The following SPPL2B variants were observed in gnomAD, a reference collection of about 807,000 sequenced individuals.
The protein encoded by SPPL2B is signal peptide peptidase like 2B, also known as signal peptide peptidase-like 2B.
In SPPL2B, 39 loss-of-function variants were observed where a neutral mutation model predicts 59.7. That is an observed-to-expected ratio of 0.65 (90% CI 0.51 to 0.85). The LOEUF (loss-of-function observed/expected upper bound fraction) is 0.85. SPPL2B is among the 40% of genes least tolerant of loss of function. The pLI is 0.00. For missense variants in SPPL2B, 865 were observed against 849.0 expected (o/e 1.02, Z -0.23); for synonymous variants, 419 against 370.8 (o/e 1.13, Z -1.49).
chr19:2,348,565 TTCTC>T (rs1182931218), intron 13 of SPPL2B, among the ~76,000 whole-genome samples: 2 of 144,230 alleles, frequency 1.4e-5, no homozygotes, highest in South Asian at 2.3e-4. Context: ...CGTGATTCCG[TTCTC>T]TCTCCACACA....
chr19:2,335,148 C>T (rs1968490737), intron 2 of SPPL2B, among the ~76,000 whole-genome samples: 1 of 152,106 alleles, frequency 6.6e-6, no homozygotes, highest in Non-Finnish European at 1.5e-5. Flanking sequence ...GAGGCCCCAC[C>T]TCCTTTCCCA....
chr19:2,345,888 TCTC>T (rs1969341758), intron 13 of SPPL2B, among the ~76,000 whole-genome samples: 2 of 151,500 alleles, frequency 1.3e-5, no homozygotes, highest in African/African-American at 4.9e-5. Context: ...TCTTTCTCAT[TCTC>T]CTTTGGCCTG....
In SPPL2B at chr19:2,344,586, T is replaced by A. The variant is rs538604779; in HGVS notation, c.1210T>A (p.Ser404Thr). ...GGTCCTGAAGGTGCCCAGGCTGAAC[T>A]CCTCACCTCTGGCCCTGTGTGACCG... ...PMVLKVPRLN[S>T]SPLALCDRPF... is the part of the protein sequence containing the mutation. Residue 404 changes from serine (S) to threonine (T), a missense_variant, in exon 12 of 15, where the codon TCC becomes ACC. Ser to Thr is a moderately conservative substitution (Grantham distance 58, BLOSUM62 1). Transcript: ENST00000613503. 104 of 1,613,196 alleles carry A rather than the reference T, an allele frequency of 6.4e-5. 1 individual carries two copies. In the South Asian group the frequency reaches 9.7e-4, roughly 15 times the overall value.
rs545951640 is a variant in SPPL2B, at chr19:2,353,112, C to G, written c.1682C>G (p.Ala561Gly). 1 of 1,610,680 alleles carries G rather than the reference C, an allele frequency of 6.2e-7. No individual in the cohort carries two copies. The highest frequency in any genetic ancestry group is 2.2e-5 in the East Asian group (1 of 44,832). Residue 561 changes from alanine (A) to glycine (G), a missense_variant, in exon 15 of 15, where the codon GCT (alanine) becomes GGT (glycine). Physicochemically the swap from Ala to Gly is moderately conservative, Grantham distance 60 (BLOSUM62 0). Transcript: ENST00000613503. Reference sequence around the variant, plus strand: ...TCACGCACGTCCGAGGAGATGGGGGCTGGAGCCCCCATGCGGGAGCCTGGG... The same window carrying G: ...TCACGCACGTCCGAGGAGATGGGGGGTGGAGCCCCCATGCGGGAGCCTGGG... ...PKSRTSEEMG[A>G]GAPMREPGSP... is the part of the protein sequence containing the mutation.
Position 2,340,373 on chromosome 19 carries a change from C to T in SPPL2B, c.839+201C>T, listed in dbSNP as rs185120351. ...TCAATGGAGCCCACCAGCAGCCAGG[C>T]GCCAGGGGTGGCGGGGGGAGGGTGC... On this transcript the variant is annotated intron_variant, in intron 7 of 14. Coordinates refer to ENST00000613503, the MANE Select transcript of SPPL2B (RefSeq NM_152988.3). The T allele has an allele frequency of 2.2e-3, 1,323 of 606,936 alleles. 16 individuals carry two copies. The African/African-American group carries it at 0.022, about 10-fold the overall frequency. 37.6% of individuals were successfully genotyped at this position (606,936 alleles called of 1,614,324 possible).
intron 7 of SPPL2B, among the ~76,000 whole-genome samples, 172 bp downstream of exon 7, chr19:2,340,344 G>A (rs1405711177): frequency 6.6e-6 from 1 of 152,142 alleles, no homozygotes; most frequent in Non-Finnish European, 1.5e-5. Flanking sequence ...GTCTGGGCGA[G>A]CTATCAATGG....
chr19:2,354,115 C>T lies in SPPL2B; in HGVS notation c.*906C>T, dbSNP rs1452570147. 3 of 152,290 alleles carry T rather than the reference C, an allele frequency of 2.0e-5. No individual in the cohort carries two copies. Among genetic ancestry groups the T allele is most frequent in the Non-Finnish European group, 4.4e-5 (3 of 68,114 alleles). 9.4% of individuals were successfully genotyped at this position (152,290 alleles called of 1,614,324 possible). On this transcript the variant is annotated 3_prime_UTR_variant, in exon 15 of 15. Coordinates refer to ENST00000613503, the MANE Select transcript of SPPL2B (RefSeq NM_152988.3). Reference sequence around the variant, plus strand: ...CCAACCTCGCTTCCCGTGTGGGCCCCGTGTTGCTTTTCTGCTGAGAGGGGC... The same window carrying T: ...CCAACCTCGCTTCCCGTGTGGGCCCTGTGTTGCTTTTCTGCTGAGAGGGGC...
At chr19:2,349,121 C>T (rs1272141624) in intron 13 of SPPL2B, among the ~76,000 whole-genome samples, 1 of 84,636 alleles carries the variant, frequency 1.2e-5, no homozygotes, top group Non-Finnish European at 2.3e-5. Context: ...CATTCTCTCC[C>T]TCCACACACA....
At chr19:2,344,476 C>G in intron 11 of SPPL2B, 52 bp downstream of exon 11, 3 of 1,565,838 alleles carry the variant, frequency 1.9e-6, no homozygotes, top group South Asian at 2.3e-5. Context: ...AGGTGTTGCG[C>G]GGAGCGGATA....
intron 13 of SPPL2B, among the ~76,000 whole-genome samples, chr19:2,350,988 A>C (rs1033463096): frequency 6.6e-6 from 1 of 152,258 alleles, no homozygotes; most frequent in Non-Finnish European, 1.5e-5. Flanking sequence ...GTGTCTCCTG[A>C]GAACATAGTT....
intron 8 of SPPL2B, 55 bp from the exon 9 acceptor site, chr19:2,343,156 G>T: frequency 6.9e-7 from 1 of 1,441,366 alleles, no homozygotes; most frequent in Non-Finnish European, 9.5e-7. Context: ...GGGAGGCGGC[G>T]TCCTGGGTGG....
chr19:2,343,859 G>C (rs368070574), intron 9 of SPPL2B, 106 bp from the exon 10 acceptor site: 2 of 831,750 alleles, frequency 2.4e-6, no homozygotes, highest in Non-Finnish European at 3.9e-6. Flanking sequence ...CTCTGCTCAG[G>C]TTCCTTTAAA....
In SPPL2B at chr19:2,335,587, C is replaced by T. The variant is rs551550626; in HGVS notation, c.186+866C>T. Among the ~76,000 whole-genome samples the T allele has an allele frequency of 6.0e-5, 9 of 150,686 alleles. No homozygotes were observed. The East Asian group carries it at 1.8e-3, about 30-fold the overall frequency. On this transcript the variant is annotated intron_variant, in intron 2 of 14. Coordinates refer to ENST00000613503, the MANE Select transcript of SPPL2B (RefSeq NM_152988.3). ...GCATCCCTCTGGCCCCGCCTCCTTT[C>T]CCACCACACCCCTCTGTCCCTGCCT...
At position 2,329,585 on chromosome 19, in the gene SPPL2B, C is replaced by G. The variant is rs1031234964; in HGVS notation, c.66+810C>G. 2.6e-5 allele frequency among the ~76,000 whole-genome samples: 4 copies of G among 152,288 alleles called. No individual in the cohort carries two copies. The East Asian group carries it at 5.8e-4, about 22-fold the overall frequency. ...TCAGGCAATGGAACCTGGAGCAGCC[C>G]CACAAATGCAGCCCTTAACCTTCAC... On this transcript the variant is annotated intron_variant, in intron 1 of 14. Transcript: ENST00000613503.
In SPPL2B at chr19:2,337,467, A is replaced by C; in HGVS notation, c.211A>C (p.Thr71Pro). ...KASFLQLRNW[T>P]ASLLCSAADL... is the part of the protein sequence containing the mutation. ...GTCTTTCCTGCAGCTGCGCAACTGG[A>C]CGGCCTCCCTGCTCTGCTCCGCAGC... The change falls in exon 3 of 15, where the codon ACG becomes CCG. Residue 71 changes from threonine to proline, a missense_variant. Physicochemically the swap from Thr to Pro is conservative, Grantham distance 38. Coordinates refer to ENST00000613503, the MANE Select transcript of SPPL2B (RefSeq NM_152988.3). The C allele has an allele frequency of 6.2e-7, 1 of 1,608,650 alleles. No individual in the cohort carries two copies. Among genetic ancestry groups the C allele is most frequent in the Non-Finnish European group, 8.5e-7 (1 of 1,176,916 alleles).
At chr19:2,351,668 A>G in intron 14 of SPPL2B, 74 bp downstream of exon 14, 1 of 1,529,608 alleles carries the variant, frequency 6.5e-7, no homozygotes, top group Non-Finnish European at 8.8e-7. Context: ...GTTGAGTGAG[A>G]CCTCCAGCCA....
chr19:2,329,629 A>G (rs371823811), intron 1 of SPPL2B, among the ~76,000 whole-genome samples: 4 of 151,910 alleles, frequency 2.6e-5, no homozygotes, highest in African/African-American at 9.7e-5. Context: ...CAGAGTTCTC[A>G]CTCTTAAGGC....
chr19:2,344,260 G>A, intron 10 of SPPL2B, 102 bp from the exon 11 acceptor site: 1 of 430,024 alleles, frequency 2.3e-6, no homozygotes, highest in Non-Finnish European at 3.8e-6. Flanking sequence ...CCTGCCCCTT[G>A]CACCCCCCCA....
At position 2,328,701 on chromosome 19, in the gene SPPL2B, C is replaced by T. The variant is rs1353895523; in HGVS notation, c.-9C>T. 16 of 1,434,560 alleles carry T rather than the reference C, an allele frequency of 1.1e-5. No homozygotes were observed. Among genetic ancestry groups the T allele is most frequent in the African/African-American group, 6.0e-5 (4 of 66,516 alleles). 88.9% of individuals were successfully genotyped at this position (1,434,560 alleles called of 1,614,324 possible). A position where few individuals can be genotyped will look rare whatever the true frequency, so the allele number is the denominator to read the frequency against. On this transcript the variant is annotated 5_prime_UTR_variant, in exon 1 of 15. Coordinates refer to ENST00000613503, the MANE Select transcript of SPPL2B (RefSeq NM_152988.3). ...CATCTGCCGTTGGTTGCGGCGGGCA[C>T]CGGCCGACATGGCGGCAGCGGTGGC...
Sources: allele counts gnomAD v4.1 joint callset (sites outside exome capture counted in the v4.1 genomes callset), GRCh38; gene constraint gnomAD v4.1.1; transcripts MANE v1.5; gene names NCBI Gene and HGNC (gene_info 2026-07-23, HGNC 2026-07-21).